The following ADAMTSL2 variants were observed in gnomAD, a reference collection of about 807,000 sequenced individuals.
ADAMTSL2 encodes ADAMTS like 2.
Under a neutral mutation model 117.0 loss-of-function variants are expected in ADAMTSL2, and 55 were observed. The ratio of observed to expected loss-of-function variants is 0.47; its 90% confidence interval spans 0.38 to 0.59. The LOEUF is 0.59. Among genes scored for constraint, ADAMTSL2 ranks in the 20% least tolerant of loss-of-function variants. The probability of loss-of-function intolerance (pLI) is 0.00; values close to 1 mark genes in which losing one functional copy is unlikely to be tolerated. For missense variants in ADAMTSL2, 1,182 were observed against 1,354.5 expected (o/e 0.87, Z 2.00); for synonymous variants, 572 against 566.4 (o/e 1.01, Z -0.14).
rs541988002 is a variant in ADAMTSL2 at position 133,537,783 on chromosome 9, AG to A, written c.233+239del. ...GGCACCAGGAAAGCCCTTTCACGAGAGGGCAGGAGCCATTTCTAGAGGTCTG... is the reference window on the plus strand; with the variant it reads ...GGCACCAGGAAAGCCCTTTCACGAGAGGCAGGAGCCATTTCTAGAGGTCTG... On this transcript the variant is annotated intron_variant, in intron 3 of 18. Coordinates refer to ENST00000651351, the MANE Select transcript of ADAMTSL2 (RefSeq NM_014694.4). Among the ~76,000 whole-genome samples, 194 of 152,302 alleles carry A rather than the reference AG, an allele frequency of 1.3e-3. 2 individuals carry two copies. In the Middle Eastern group the frequency reaches 0.02, roughly 16 times the overall value.
rs1831036109 is a variant in ADAMTSL2, at chr9:133,568,758, G to A, written c.2244G>A (p.Pro748=). 3.1e-6 allele frequency: 5 copies of A among 1,612,944 alleles called. No individual in the cohort carries two copies. The highest frequency in any genetic ancestry group is 1.3e-5 in the African/African-American group (1 of 75,052). Residue 748 remains proline, a splice_region_variant and synonymous_variant, in exon 15 of 19, where the codon CCG becomes CCA. Transcript: ENST00000651351. The part of the protein sequence containing the change: ...DRQWTVSDWG[P]CSGSCGQGRT... ...AGTGGACCGTCTCCGACTGGGGACC[G>A]GTGAGGCCTGCACTGAGGGGTGGCT...
rs1831056331 is a variant in ADAMTSL2 at position 133,569,536 on chromosome 9, C to T, written c.2373C>T (p.Asp791=). Residue 791 remains aspartate, a synonymous_variant, in exon 16 of 19, where the codon GAC becomes GAT. Transcript: ENST00000651351. ...TKPLAIHPCG[D]KNCPAHWLAQ... The stretch of plus-strand genomic sequence containing the variant: ...CTCTGGCCATCCACCCCTGTGGGGA[C>T]AAAAACTGTCCCGCCCACTGGCTGG... 4 of 1,602,092 alleles carry T rather than the reference C, an allele frequency of 2.5e-6. No homozygotes were observed. Among genetic ancestry groups the T allele is most frequent in the South Asian group, 1.1e-5 (1 of 89,068 alleles).
At chr9:133,543,951 G>A (rs1830287585) in intron 7 of ADAMTSL2, among the ~76,000 whole-genome samples, 1 of 152,236 alleles carries the variant, frequency 6.6e-6, no homozygotes, top group Admixed American at 6.5e-5. Context: ...ATCTCAGCCT[G>A]GGGCCTGGTG....
intron 13 of ADAMTSL2, 104 bp downstream of exon 13, chr9:133,567,166 T>A: frequency 1.4e-6 from 2 of 1,433,822 alleles, no homozygotes; most frequent in South Asian, 1.2e-5. Flanking sequence ...AGGTTCTTCG[T>A]GTGCAGGGCC....
chr9:133,574,442 G>A (rs1015289952), intron 18 of ADAMTSL2, among the ~76,000 whole-genome samples: 7 of 152,166 alleles, frequency 4.6e-5, no homozygotes, highest in Admixed American at 1.3e-4. Context: ...GATACATTGA[G>A]TGGTGGACGG....
At chr9:133,569,311 C>A in intron 15 of ADAMTSL2, 97 bp from the exon 16 acceptor site, 2 of 1,309,010 alleles carry the variant, frequency 1.5e-6, no homozygotes, top group Non-Finnish European at 1.1e-6. Context: ...TCGACACTGC[C>A]TGGGAGCCAC....
At chr9:133,573,488 C>T (rs369802102) in intron 17 of ADAMTSL2, among the ~76,000 whole-genome samples, 10 of 150,804 alleles carry the variant, frequency 6.6e-5, no homozygotes, top group African/African-American at 1.2e-4. Flanking sequence ...GGCAGCCCTG[C>T]GTGGGGAGAG....
At chr9:133,540,085 C>T (rs1050170965) in intron 5 of ADAMTSL2, among the ~76,000 whole-genome samples, 5 of 152,164 alleles carry the variant, frequency 3.3e-5, no homozygotes, top group Admixed American at 1.3e-4. Context: ...GGACAGATTA[C>T]GGGACTGAGT....
chr9:133,536,492 A>G lies in ADAMTSL2; in HGVS notation c.-150-71A>G, dbSNP rs1830055027. ...GCTGGGTGTCTTGCCTGAAGCAGGCATTACTAATCATTCACCAAGCTCCTT... is the reference window on the plus strand; with the variant it reads ...GCTGGGTGTCTTGCCTGAAGCAGGCGTTACTAATCATTCACCAAGCTCCTT... On this transcript the variant is annotated intron_variant, in intron 1 of 18. Transcript: ENST00000651351. The G allele has an allele frequency of 2.7e-6, 4 of 1,486,832 alleles. No homozygotes were observed. The South Asian group carries it at 5.4e-5, about 20-fold the overall frequency. The allele number at this position is 1,486,832 out of a possible 1,614,324, so 92.1% of individuals were successfully genotyped here. A position where few individuals can be genotyped will look rare whatever the true frequency, so the allele number is the denominator to read the frequency against.
intron 9 of ADAMTSL2, among the ~76,000 whole-genome samples, chr9:133,548,141 G>A (rs1188198005): frequency 1.3e-5 from 2 of 152,326 alleles, no homozygotes; most frequent in South Asian, 4.1e-4. Context: ...ATTGCCTCAT[G>A]TTGCAGGTCA....
Position 133,534,705 on chromosome 9 carries a change from C to T in ADAMTSL2, c.-363C>T. The T allele has an allele frequency of 7.3e-7, 1 of 1,366,536 alleles. No individual in the cohort carries two copies. The highest frequency in any genetic ancestry group is 1.5e-5 in the African/African-American group (1 of 65,528). The allele number at this position is 1,366,536 out of a possible 1,614,324, so 84.7% of individuals were successfully genotyped here. Reference sequence around the variant, plus strand: ...GGCGGCCGCCGGCGCAGAGCCGCCACTGGGCTGCGCCCCTCCCGGGAACCC... The same window carrying T: ...GGCGGCCGCCGGCGCAGAGCCGCCATTGGGCTGCGCCCCTCCCGGGAACCC... On this transcript the variant is annotated 5_prime_UTR_variant, in exon 1 of 19. Transcript: ENST00000651351.
intron 4 of ADAMTSL2, 60 bp from the exon 5 acceptor site, chr9:133,539,711 C>CA (rs961664489): frequency 4.0e-6 from 6 of 1,487,184 alleles, no homozygotes; most frequent in African/African-American, 1.4e-5. Context: ...TTAGCCTGGA[C>CA]AAAAATGCCT....
rs1830716799 is a variant in ADAMTSL2, at chr9:133,561,102, A to T, written c.1650-96A>T. 9 of 1,037,698 alleles carry T rather than the reference A, an allele frequency of 8.7e-6. No homozygotes were observed. In the South Asian group the frequency reaches 1.2e-4, roughly 14 times the overall value. The allele number at this position is 1,037,698 out of a possible 1,614,324, so 64.3% of individuals were successfully genotyped here. A position where few individuals can be genotyped will look rare whatever the true frequency, so the allele number is the denominator to read the frequency against. On this transcript the variant is annotated intron_variant, in intron 11 of 18. Transcript: ENST00000651351. The stretch of plus-strand genomic sequence containing the variant: ...GGACAGGTGTGTGCTTCAGGCGAAC[A>T]TACCCTCCGAAGAAAACTCCCTCGC...
chr9:133,537,414 C>G lies in ADAMTSL2; in HGVS notation c.100C>G (p.Pro34Ala). ...TVSTGSTDNS[P>A]TSNSLEGGTD... ...GGTCCCTCTCACCCAGGACAACAGC[C>G]CAACATCCAATAGCCTGGAGGGGGG... Residue 34 changes from proline to alanine, a missense_variant, in exon 3 of 19, where the codon CCA becomes GCA. Coordinates refer to ENST00000651351, the MANE Select transcript of ADAMTSL2 (RefSeq NM_014694.4). 14 of 1,342,294 alleles carry G rather than the reference C, an allele frequency of 1.0e-5. No individual in the cohort carries two copies. Among genetic ancestry groups the G allele is most frequent in the Non-Finnish European group, 1.3e-5 (14 of 1,037,974 alleles). 83.1% of individuals were successfully genotyped at this position (1,342,294 alleles called of 1,614,324 possible).
At chr9:133,559,740 G>C (rs1301490748) in intron 11 of ADAMTSL2, among the ~76,000 whole-genome samples, 1 of 152,144 alleles carries the variant, frequency 6.6e-6, no homozygotes, top group African/African-American at 2.4e-5. Flanking sequence ...GGATGGGACA[G>C]ACTCTCCTGG....
chr9:133,556,960 T>C (rs1186770598), intron 11 of ADAMTSL2, among the ~76,000 whole-genome samples: 1 of 152,030 alleles, frequency 6.6e-6, no homozygotes, highest in Admixed American at 6.6e-5. Context: ...AAACAGGCAG[T>C]GAGTGGGGGT....
At chr9:133,572,194 G>A (rs1018038674) in intron 17 of ADAMTSL2, among the ~76,000 whole-genome samples, 5 of 15,600 alleles carry the variant, frequency 3.2e-4, no homozygotes, top group South Asian at 2.2e-3. Flanking sequence ...CCCCCACCCC[G>A]CCCCAGGGCC....
At chr9:133,562,363 G>A (rs1474644798) in intron 12 of ADAMTSL2, among the ~76,000 whole-genome samples, 1 of 152,256 alleles carries the variant, frequency 6.6e-6, no homozygotes, top group African/African-American at 2.4e-5. Context: ...CATAGCCATG[G>A]GGCATGCTGT....
rs763440635 is a variant in ADAMTSL2, at chr9:133,536,348, G to A, written c.-150-215G>A. 7.9e-5 allele frequency among the ~76,000 whole-genome samples: 12 copies of A among 152,350 alleles called. No individual in the cohort carries two copies. The East Asian group carries it at 1.2e-3, about 15-fold the overall frequency. ...GCCTGGGTCCCCAGCCCCCTCAGCC[G>A]AGGCTGGCTGTCTCCACAGCCCTTC... On this transcript the variant is annotated intron_variant, in intron 1 of 18. Coordinates refer to ENST00000651351, the MANE Select transcript of ADAMTSL2 (RefSeq NM_014694.4).
Sources: allele counts gnomAD v4.1 joint callset (sites outside exome capture counted in the v4.1 genomes callset), GRCh38; gene constraint gnomAD v4.1.1; transcripts MANE v1.5; gene names NCBI Gene and HGNC (gene_info 2026-07-23, HGNC 2026-07-21).